PSEN1: variants seen among roughly 807,000 people sequenced by gnomAD.
The protein encoded by PSEN1 is presenilin-1.
PSEN1 carries 15 observed loss-of-function variants against 53.5 expected under a neutral mutation model. The ratio of observed to expected loss-of-function variants is 0.28; its 90% CI spans 0.19 to 0.43. The LOEUF is 0.43. Among genes scored for constraint, PSEN1 ranks in the 20% least tolerant of loss-of-function variants. The probability of loss-of-function intolerance (pLI) is 1.00; values close to 1 mark genes in which losing one functional copy is unlikely to be tolerated. For synonymous variants in PSEN1, 208 were observed against 209.8 expected, an observed-to-expected ratio of 0.99 and a Z score of 0.08; for missense variants, 387 against 571.2, an observed-to-expected ratio of 0.68 and a Z score of 3.29.
intron 6 of PSEN1, among the ~76,000 whole-genome samples, chr14:73,188,618 G>A (rs1898602495): frequency 6.6e-6 from 1 of 152,170 alleles, no homozygotes; most frequent in African/African-American, 2.4e-5. Flanking sequence ...CTGCACCCCA[G>A]GCTGGGTGAC....
At chr14:73,189,752 T>A in intron 6 of PSEN1, 1 of 183,662 alleles carries the variant, frequency 5.4e-6, no homozygotes, top group Non-Finnish European at 1.2e-5. Flanking sequence ...GTGCAAGCCC[T>A]GGACACTGGT....
At chr14:73,147,764 C>T (rs1394066097) in intron 1 of PSEN1, 31 bp from the exon 2 acceptor site, 1 of 497,702 alleles carries the variant, frequency 2.0e-6, no homozygotes, top group Non-Finnish European at 3.7e-6. Flanking sequence ...ATTTAACTAA[C>T]AATGGATGAC....
intron 10 of PSEN1, among the ~76,000 whole-genome samples, chr14:73,213,424 G>C (rs1405678714): frequency 2.0e-5 from 3 of 151,760 alleles, no homozygotes; most frequent in Non-Finnish European, 4.4e-5. Flanking sequence ...AAAAAAAAAA[G>C]TGAAACTATC....
intron 7 of PSEN1, among the ~76,000 whole-genome samples, chr14:73,195,262 T>G (rs1898893346): frequency 6.6e-6 from 1 of 151,908 alleles, no homozygotes; most frequent in Non-Finnish European, 1.5e-5. Context: ...AACCTCTCCC[T>G]CCCGGGATCA....
chr14:73,204,363 A>C (rs1464143794), intron 8 of PSEN1, among the ~76,000 whole-genome samples: 1 of 151,086 alleles, frequency 6.6e-6, no homozygotes, highest in Non-Finnish European at 1.5e-5. Flanking sequence ...TGTTTGTGTT[A>C]AGGTGAAATG....
chr14:73,200,995 G>C (rs564321511), intron 8 of PSEN1, among the ~76,000 whole-genome samples: 62 of 152,262 alleles, frequency 4.1e-4, no homozygotes, highest in African/African-American at 1.5e-3. Flanking sequence ...AGGTTACAGT[G>C]AGCCATGATC....
intron 6 of PSEN1, among the ~76,000 whole-genome samples, chr14:73,190,614 G>A (rs1181639180): frequency 1.3e-5 from 2 of 152,098 alleles, no homozygotes; most frequent in African/African-American, 4.8e-5. Context: ...AATCAGGCAC[G>A]GTGGCTCACA....
chr14:73,155,271 T>G (rs1454192811), intron 3 of PSEN1, among the ~76,000 whole-genome samples: 3 of 152,202 alleles, frequency 2.0e-5, no homozygotes, highest in African/African-American at 7.2e-5. Context: ...CTTCTTAGCA[T>G]TATGATCTTT....
chr14:73,212,922 G>T (rs1899762260), intron 10 of PSEN1, among the ~76,000 whole-genome samples: 1 of 152,208 alleles, frequency 6.6e-6, no homozygotes. Context: ...AGAATATTAA[G>T]TAGTTTTAAG....
intron 5 of PSEN1, among the ~76,000 whole-genome samples, chr14:73,182,429 C>T (rs1002872136): frequency 8.6e-5 from 13 of 151,804 alleles, no homozygotes; most frequent in Admixed American, 6.6e-5. Flanking sequence ...CCCAGTGGTT[C>T]GAGATTGCAG....
chr14:73,198,000 T>G, intron 7 of PSEN1, 31 bp from the exon 8 acceptor site: 1 of 1,234,352 alleles, frequency 8.1e-7, no homozygotes, highest in Non-Finnish European at 1.2e-6. Context: ...ATACATTTTA[T>G]TAGATGTCTT....
At chr14:73,186,790 A>G in intron 5 of PSEN1, 63 bp from the exon 6 acceptor site, 1 of 1,419,186 alleles carries the variant, frequency 7.0e-7, no homozygotes, top group Non-Finnish European at 1.0e-6. Context: ...AAAGAAAAAA[A>G]AAATCTGTAC....
chr14:73,184,672 G>C (rs1232070217), intron 5 of PSEN1, among the ~76,000 whole-genome samples: 1 of 149,882 alleles, frequency 6.7e-6, no homozygotes, highest in Non-Finnish European at 1.5e-5. Flanking sequence ...CTCCCGGACG[G>C]AGCGGCTGGC....
At chr14:73,217,332 C>G (rs556171721) in intron 11 of PSEN1, 88 bp downstream of exon 11, 150 of 1,489,470 alleles carry the variant, frequency 1.0e-4, no homozygotes, top group Middle Eastern at 1.7e-4. Context: ...TGTTTTAACC[C>G]CAGGTGGGTT....
chr14:73,190,159 T>G (rs1010584962), intron 6 of PSEN1, among the ~76,000 whole-genome samples: 4 of 152,098 alleles, frequency 2.6e-5, no homozygotes, highest in Admixed American at 2.6e-4. Flanking sequence ...AACTGACAGC[T>G]TAGAGGGGTA....
intron 1 of PSEN1, among the ~76,000 whole-genome samples, chr14:73,138,490 A>G (rs1566612162): frequency 6.6e-6 from 1 of 150,560 alleles, no homozygotes; most frequent in Non-Finnish European, 1.5e-5. Flanking sequence ...GAGTGCTGCG[A>G]TTACAGGCGT....
chr14:73,183,708 G>A (rs1253350592), intron 5 of PSEN1, among the ~76,000 whole-genome samples: 17 of 151,518 alleles, frequency 1.1e-4, no homozygotes, highest in African/African-American at 4.1e-4. Flanking sequence ...TTTCTACACA[G>A]ACACGGCAAC....
chr14:73,162,438 C>G (rs1184349433), intron 3 of PSEN1, among the ~76,000 whole-genome samples: 1 of 142,556 alleles, frequency 7.0e-6, no homozygotes, highest in African/African-American at 2.5e-5. Flanking sequence ...CTCTCTCGCT[C>G]GCTCGCGCGC....
chr14:73,180,413 G>A (rs920110238), intron 5 of PSEN1, among the ~76,000 whole-genome samples: 1 of 152,180 alleles, frequency 6.6e-6, no homozygotes, highest in Non-Finnish European at 1.5e-5. Flanking sequence ...ATAGAAACAA[G>A]TTGTTTACTT....
Sources: allele counts gnomAD v4.1 joint callset (sites outside exome capture counted in the v4.1 genomes callset), GRCh38; gene constraint gnomAD v4.1.1; transcripts MANE v1.5; gene names NCBI Gene and HGNC (gene_info 2026-07-23, HGNC 2026-07-21).